CCDC85C: variants seen among roughly 807,000 people sequenced by gnomAD.
CCDC85C encodes the protein coiled-coil domain containing 85C, also known as coiled-coil domain-containing protein 85C.
A neutral mutation model predicts 38.3 loss-of-function variants in CCDC85C; 18 were observed. That is an observed-to-expected ratio of 0.47 (90% CI 0.33 to 0.70). CCDC85C has a LOEUF of 0.70. Ranked by LOEUF, CCDC85C falls within the 30% of genes least tolerant of loss-of-function variation. The probability of loss-of-function intolerance (pLI) is 0.03; values close to 1 mark genes in which losing one functional copy is unlikely to be tolerated. For missense variants in CCDC85C, 566 were observed against 621.2 expected, an observed-to-expected ratio of 0.91 and a Z score of 0.94; for synonymous variants, 264 against 293.8, an observed-to-expected ratio of 0.90 and a Z score of 1.04.
chr14:99,558,324 G>A lies in CCDC85C; in HGVS notation c.794-22236C>T, dbSNP rs1487157227. On this transcript the variant is annotated intron_variant, in intron 1 of 5. Coordinates refer to ENST00000380243, the MANE Select transcript of CCDC85C (RefSeq NM_001144995.2). This position sits in a 1 kb window ranked among gnomAD's most constrained non-coding sequence, Gnocchi z 4.2. ...AGAATGTGATCTTATTTGGAAATAC[G>A]GTCTTTGCACATGTAGTCAAGGTAA... Among the ~76,000 whole-genome samples, 5 of 152,186 alleles carry A rather than the reference G, an allele frequency of 3.3e-5. No homozygotes were observed. Among genetic ancestry groups the A allele is most frequent in the African/African-American group, 9.7e-5 (4 of 41,444 alleles).
At position 99,503,250 on chromosome 14, in the gene CCDC85C, G is replaced by GGTGTCGTTGCCGTGTCCTAGCA. The variant is rs1896885277; in HGVS notation, c.*11974_*11995dup. 3.1e-6 allele frequency: 2 copies of GGTGTCGTTGCCGTGTCCTAGCA among 645,664 alleles called. No homozygotes were observed. The highest frequency in any genetic ancestry group is 2.3e-5 in the Admixed American group (1 of 43,688). 40.0% of individuals were successfully genotyped at this position (645,664 alleles called of 1,614,324 possible). A position where few individuals can be genotyped will look rare whatever the true frequency, so the allele number is the denominator to read the frequency against. On this transcript the variant is annotated 3_prime_UTR_variant, in exon 6 of 6. Coordinates refer to ENST00000380243, the MANE Select transcript of CCDC85C (RefSeq NM_001144995.2). ...CCCTGCCAGGGTTCTGAAGCCTGTC[G>GGTGTCGTTGCCGTGTCCTAGCA]GTGTCGTTGCCGTGTCCTAGCAGTG...
chr14:99,567,765 C>T (rs1033232456), intron 1 of CCDC85C, among the ~76,000 whole-genome samples: 6 of 152,138 alleles, frequency 3.9e-5, no homozygotes, highest in African/African-American at 9.7e-5. Flanking sequence ...GAGGAGCTTG[C>T]GGTGAGCCTA....
chr14:99,553,221 G>C (rs2139939884), intron 1 of CCDC85C, among the ~76,000 whole-genome samples: 1 of 152,278 alleles, frequency 6.6e-6, no homozygotes, highest in South Asian at 2.1e-4. Flanking sequence ...ATAGATTCCA[G>C]AACACCCAGG....
intron 1 of CCDC85C, among the ~76,000 whole-genome samples, chr14:99,577,247 C>G (rs997914733): frequency 2.0e-5 from 3 of 151,806 alleles, no homozygotes; most frequent in African/African-American, 4.8e-5. Context: ...CATTTCAGAA[C>G]CGACTGCAGG....
At chr14:99,562,437 A>G (rs904743643) in intron 1 of CCDC85C, among the ~76,000 whole-genome samples, 9 of 152,250 alleles carry the variant, frequency 5.9e-5, no homozygotes, top group Non-Finnish European at 1.0e-4. Context: ...GACATCAGGC[A>G]CATGGTGCAT....
At chr14:99,559,216 C>T (rs1339942724) in intron 1 of CCDC85C, among the ~76,000 whole-genome samples, 1 of 33,082 alleles carries the variant, frequency 3.0e-5, no homozygotes, top group Non-Finnish European at 6.0e-5. Flanking sequence ...ATACAGGAGT[C>T]CCCCCGAGAG....
At chr14:99,580,076 A>G (rs1205445963) in intron 1 of CCDC85C, 2 of 455,698 alleles carry the variant, frequency 4.4e-6, no homozygotes, top group Admixed American at 4.7e-5. Flanking sequence ...TCACATTCCT[A>G]AACAGTAGAC....
chr14:99,603,792 C>G lies in CCDC85C; in HGVS notation c.168G>C (p.Val56=). 2.0e-6 allele frequency: 3 copies of G among 1,525,946 alleles called. No homozygotes were observed. Among genetic ancestry groups the G allele is most frequent in the Non-Finnish European group, 2.6e-6 (3 of 1,142,574 alleles). The allele number at this position is 1,525,946 out of a possible 1,614,324, so 94.5% of individuals were successfully genotyped here. A position where few individuals can be genotyped will look rare whatever the true frequency, so the allele number is the denominator to read the frequency against. Reference sequence around the variant, plus strand: ...GCAGGTGCTGCTGCAGCCGCCGGTTCACGTCGCGCATCAGGCCGCCGTGCT... The same window carrying G: ...GCAGGTGCTGCTGCAGCCGCCGGTTGACGTCGCGCATCAGGCCGCCGTGCT... ...MLEHGGLMRD[V]NRRLQQHLLE... Residue 56 remains valine, a synonymous_variant, in exon 1 of 6, where the codon GTG becomes GTC. Transcript: ENST00000380243. This position sits in a 1 kb window ranked among gnomAD's most constrained non-coding sequence, Gnocchi z 7.5.
At chr14:99,595,732 C>T (rs572182337) in intron 1 of CCDC85C, among the ~76,000 whole-genome samples, 28 of 152,314 alleles carry the variant, frequency 1.8e-4, no homozygotes, top group South Asian at 6.2e-4. Flanking sequence ...GCACAGGCTC[C>T]GGGTTCAACT....
At chr14:99,553,317 C>T (rs964628780) in intron 1 of CCDC85C, among the ~76,000 whole-genome samples, 52 of 152,006 alleles carry the variant, frequency 3.4e-4, no homozygotes, top group African/African-American at 1.2e-3. Flanking sequence ...GCACAAACTC[C>T]GGGTTCAAAT....
intron 1 of CCDC85C, among the ~76,000 whole-genome samples, chr14:99,589,078 A>G (rs1302713265): frequency 6.6e-6 from 1 of 152,078 alleles, no homozygotes; most frequent in Non-Finnish European, 1.5e-5. Context: ...CAGCTTCAGG[A>G]AAGAGGCCCA....
At chr14:99,521,537 C>CG (rs1897303192) in intron 3 of CCDC85C, among the ~76,000 whole-genome samples, 1 of 152,186 alleles carries the variant, frequency 6.6e-6, no homozygotes, top group Admixed American at 6.5e-5. Context: ...CCCAAGCATC[C>CG]GCTACACACC....
Position 99,506,516 on chromosome 14 carries a change from C to T in CCDC85C, c.*8730G>A, listed in dbSNP as rs1391473960. The T allele has an allele frequency of 6.5e-6, 1 of 153,606 alleles. No individual in the cohort carries two copies. Among genetic ancestry groups the T allele is most frequent in the Non-Finnish European group, 1.4e-5 (1 of 69,048 alleles). 9.5% of individuals were successfully genotyped at this position (153,606 alleles called of 1,614,324 possible). ...GACTGCTGGGCTTTTGTGAGCGGCA[C>T]ATTCTTCCTGCCATCAGTGTGTCAA... is the stretch of plus-strand genomic sequence containing the variant. On this transcript the variant is annotated 3_prime_UTR_variant, in exon 6 of 6. Transcript: ENST00000380243.
intron 2 of CCDC85C, among the ~76,000 whole-genome samples, chr14:99,530,150 C>G (rs1303640049): frequency 6.6e-6 from 1 of 152,214 alleles, no homozygotes; most frequent in Non-Finnish European, 1.5e-5. Context: ...CCTTACACTG[C>G]TGGTGCTAGG....
intron 2 of CCDC85C, chr14:99,534,904 T>G: frequency 5.2e-6 from 3 of 581,922 alleles, no homozygotes; most frequent in African/African-American, 1.9e-5. Context: ...TGCGCCTGTA[T>G]GGTGGTGGGG....
rs1179530722 is a variant in CCDC85C, at chr14:99,514,806, GCGTCAAGACCC to G, written c.*429_*439del. 1 of 157,606 alleles carries G rather than the reference GCGTCAAGACCC, an allele frequency of 6.3e-6. No homozygotes were observed. Among genetic ancestry groups the G allele is most frequent in the Non-Finnish European group, 1.4e-5 (1 of 70,912 alleles). The allele number at this position is 157,606 out of a possible 1,614,324, so 9.8% of individuals were successfully genotyped here. On this transcript the variant is annotated 3_prime_UTR_variant, in exon 6 of 6. Coordinates refer to ENST00000380243, the MANE Select transcript of CCDC85C (RefSeq NM_001144995.2). ...ATTTGGGCAAGAAGTGGTGCCACCTGCGTCAAGACCCAGGTAGTGGTGGTCTCTGTCCAGTG... is the reference window on the plus strand; with the variant it reads ...ATTTGGGCAAGAAGTGGTGCCACCTGAGGTAGTGGTGGTCTCTGTCCAGTG...
chr14:99,549,126 C>T (rs1387667712), intron 1 of CCDC85C, among the ~76,000 whole-genome samples: 1 of 152,204 alleles, frequency 6.6e-6, no homozygotes, highest in Non-Finnish European at 1.5e-5. Context: ...AGCTAAAATG[C>T]TTATTGCTGA....
chr14:99,584,417 G>A (rs923933208), intron 1 of CCDC85C, among the ~76,000 whole-genome samples: 3 of 152,164 alleles, frequency 2.0e-5, no homozygotes, highest in Non-Finnish European at 4.4e-5. Context: ...CCCCCATCCA[G>A]GCAGGGTGCT....
chr14:99,515,033 T>C lies in CCDC85C; in HGVS notation c.*213A>G, dbSNP rs1897199074. ...GCAGGAACAGTCGCAGCGTCTCGTC[T>C]TCCCAGGTTGCTGGTGTATGAGGCG... is the stretch of plus-strand genomic sequence containing the variant. On this transcript the variant is annotated 3_prime_UTR_variant, in exon 6 of 6. Transcript: ENST00000380243. The C allele has an allele frequency of 1.1e-5, 6 of 523,696 alleles. No individual in the cohort carries two copies. Among genetic ancestry groups the C allele is most frequent in the Non-Finnish European group, 1.4e-5 (4 of 290,290 alleles). 32.4% of individuals were successfully genotyped at this position (523,696 alleles called of 1,614,324 possible). A position where few individuals can be genotyped will look rare whatever the true frequency, so the allele number is the denominator to read the frequency against.
Sources: gnomAD v4.1 joint callset for allele counts (sites outside exome capture counted in the v4.1 genomes callset) on GRCh38, gnomAD v4.1.1 for gene constraint, Gnocchi (gnomAD v3.1) non-coding constraint, MANE v1.5 for transcripts, NCBI Gene and HGNC (gene_info 2026-07-23, HGNC 2026-07-21) for gene names.